RASA1: variants seen among roughly 807,000 people sequenced by gnomAD.
RASA1 encodes RAS p21 protein activator 1.
A neutral mutation model predicts 132.2 loss-of-function variants in RASA1; 25 were observed. The observed-to-expected ratio is 0.19, with a 90% CI of 0.14 to 0.26. RASA1 has a LOEUF of 0.26. Ranked by LOEUF, RASA1 falls within the 10% of genes least tolerant of loss-of-function variation. The pLI, the probability that RASA1 is intolerant of heterozygous loss-of-function variation, is 1.00. For synonymous variants in RASA1, 477 were observed against 449.9 expected (o/e 1.06, Z -0.76); for missense variants, 964 against 1,299.2 (o/e 0.74, Z 3.97).
chr5:87,307,409 C>T (rs1026826600), intron 1 of RASA1, among the ~76,000 whole-genome samples: 16 of 152,014 alleles, frequency 1.1e-4, no homozygotes, highest in African/African-American at 2.7e-4. Context: ...TGCAGTGAGC[C>T]GAGATCGTGC....
intron 1 of RASA1, among the ~76,000 whole-genome samples, chr5:87,323,026 G>A (rs959323769): frequency 5.3e-5 from 8 of 152,122 alleles, no homozygotes; most frequent in East Asian, 1.9e-4. Context: ...TAAGCCTGGC[G>A]TTTAGGAAGG....
intron 22 of RASA1, among the ~76,000 whole-genome samples, chr5:87,386,251 G>A (rs1762054556): frequency 6.6e-6 from 1 of 151,980 alleles, no homozygotes; most frequent in African/African-American, 2.4e-5. Flanking sequence ...TTTTAAAAGA[G>A]TGTGTTAATC....
At chr5:87,311,673 G>C (rs150116031) in intron 1 of RASA1, among the ~76,000 whole-genome samples, 1 of 152,308 alleles carries the variant, frequency 6.6e-6, no homozygotes, top group Non-Finnish European at 1.5e-5. Flanking sequence ...TGCCAACCAG[G>C]AGAACTCACC....
rs899638423 is a variant in RASA1 at position 87,268,495 on chromosome 5, C to G, written c.44C>G (p.Thr15Arg). 1 of 1,560,394 alleles carries G rather than the reference C, an allele frequency of 6.4e-7. No individual in the cohort carries two copies. The highest frequency in any genetic ancestry group is 8.7e-7 in the Non-Finnish European group (1 of 1,154,076). Residue 15 changes from threonine (T) to arginine (R), a missense_variant, in exon 1 of 25, where the codon ACA becomes AGA. Thr to Arg is a moderately conservative substitution (Grantham distance 71). Transcript: ENST00000274376. Reference sequence around the variant, plus strand: ...GGCAGTGAGGAGGGCGGCCCGGTAACAGCCGGAGCTGGAGGAGGCGGCGCG... The same window carrying G: ...GGCAGTGAGGAGGGCGGCCCGGTAAGAGCCGGAGCTGGAGGAGGCGGCGCG... Reference protein sequence around the residue: ...EAGSEEGGPVTAGAGGGGAAA... With the variant: ...EAGSEEGGPVRAGAGGGGAAA...
At chr5:87,318,875 G>A (rs1370610051) in intron 1 of RASA1, 4 of 152,194 alleles carry the variant, frequency 2.6e-5, no homozygotes, top group African/African-American at 9.6e-5. Context: ...CTGAGACAAG[G>A]CAAGTCCATT....
At chr5:87,370,018 C>A in intron 12 of RASA1, 118 bp downstream of exon 12, 1 of 871,738 alleles carries the variant, frequency 1.1e-6, no homozygotes, top group Non-Finnish European at 1.8e-6. Context: ...GAAATCTAAT[C>A]ATCTCTTATT....
intron 12 of RASA1, 98 bp downstream of exon 12, chr5:87,369,998 CAG>C: frequency 2.0e-6 from 2 of 1,019,680 alleles, no homozygotes; most frequent in Non-Finnish European, 3.0e-6. Flanking sequence ...GATAAAGTGA[CAG>C]AACGCCTGAA....
intron 1 of RASA1, among the ~76,000 whole-genome samples, chr5:87,327,363 T>G (rs1005813050): frequency 4.6e-5 from 7 of 152,222 alleles, no homozygotes; most frequent in Admixed American, 4.6e-4. Flanking sequence ...TATTTTTCTT[T>G]AAAGGAATTT....
At position 87,388,502 on chromosome 5, in the gene RASA1, A is replaced by G. The variant is rs1340584851; in HGVS notation, c.2926-891A>G. Among the ~76,000 whole-genome samples the G allele has an allele frequency of 2.0e-5, 3 of 152,286 alleles. No individual in the cohort carries two copies. In the East Asian group the frequency reaches 5.8e-4, roughly 29 times the overall value. On this transcript the variant is annotated intron_variant, in intron 23 of 24. Transcript: ENST00000274376. ...AAAATCTCCAATTTTGGATTTTTGG[A>G]TTGGGGATGCTCAACTGGCAAGTAT...
intron 15 of RASA1, 119 bp downstream of exon 15, chr5:87,375,035 A>T (rs1761227201): frequency 1.5e-6 from 2 of 1,317,966 alleles, no homozygotes; most frequent in African/African-American, 3.0e-5. Flanking sequence ...GTATAATTTG[A>T]GATAGTTTCT....
rs760847054 is a variant in RASA1, at chr5:87,346,744, C to A, written c.1102+20C>A. ...TGACAGGTACTTACATATTTACTTGCTTTTCTAATGTCTATTTAAAGAGAA... is the reference window on the plus strand; with the variant it reads ...TGACAGGTACTTACATATTTACTTGATTTTCTAATGTCTATTTAAAGAGAA... On this transcript the variant is annotated intron_variant, in intron 7 of 24. Coordinates refer to ENST00000274376, the MANE Select transcript of RASA1 (RefSeq NM_002890.3). 1 of 1,498,156 alleles carries A rather than the reference C, an allele frequency of 6.7e-7. No homozygotes were observed. The highest frequency in any genetic ancestry group is 1.1e-5 in the South Asian group (1 of 87,758). 92.8% of individuals were successfully genotyped at this position (1,498,156 alleles called of 1,614,324 possible).
intron 1 of RASA1, among the ~76,000 whole-genome samples, chr5:87,307,245 G>A (rs1437709613): frequency 2.6e-5 from 4 of 151,936 alleles, no homozygotes; most frequent in South Asian, 2.1e-4. Context: ...TCTGCATTAC[G>A]GTTTGACAGG....
chr5:87,381,978 G>A (rs1319246888), intron 20 of RASA1, among the ~76,000 whole-genome samples: 4 of 152,074 alleles, frequency 2.6e-5, no homozygotes, highest in African/African-American at 9.7e-5. Flanking sequence ...TTGAGACAGG[G>A]TCTTGCTCTG....
intron 4 of RASA1, among the ~76,000 whole-genome samples, chr5:87,335,925 T>C (rs1454498153): frequency 6.6e-6 from 1 of 152,218 alleles, no homozygotes; most frequent in Non-Finnish European, 1.5e-5. Context: ...TTGGATTCCA[T>C]ATTACAACTA....
At chr5:87,271,452 CTTTTTTTTTTTTTTT>C (rs201918763) in intron 1 of RASA1, among the ~76,000 whole-genome samples, 2,830 of 38,422 alleles carry the variant, frequency 0.074, 281 homozygotes, top group East Asian at 0.44. Context: ...TAGTAGACTT[CTTTTTTTTTTTTTTT>C]TTTTTTTTTT....
chr5:87,334,035 T>C (rs1757779743), intron 4 of RASA1, among the ~76,000 whole-genome samples: 1 of 152,220 alleles, frequency 6.6e-6, no homozygotes, highest in Non-Finnish European at 1.5e-5. Context: ...GTGTTTCATG[T>C]AACTATGGGG....
intron 9 of RASA1, among the ~76,000 whole-genome samples, chr5:87,358,957 T>G (rs888078353): frequency 6.6e-6 from 1 of 150,840 alleles, no homozygotes; most frequent in African/African-American, 2.4e-5. Context: ...AATGACACTT[T>G]ACCTAGACAC....
At chr5:87,307,252 C>T (rs577944872) in intron 1 of RASA1, among the ~76,000 whole-genome samples, 1 of 152,130 alleles carries the variant, frequency 6.6e-6, no homozygotes, top group East Asian at 1.9e-4. Flanking sequence ...TACGGTTTGA[C>T]AGGTATAACT....
At chr5:87,358,295 T>G (rs1351449058) in intron 9 of RASA1, among the ~76,000 whole-genome samples, 1 of 152,216 alleles carries the variant, frequency 6.6e-6, no homozygotes, top group African/African-American at 2.4e-5. Flanking sequence ...CTTACATTTT[T>G]GAGCACTATA....
Sources: allele counts gnomAD v4.1 joint callset (sites outside exome capture counted in the v4.1 genomes callset), GRCh38; gene constraint gnomAD v4.1.1; transcripts MANE v1.5; gene names NCBI Gene and HGNC (gene_info 2026-07-23, HGNC 2026-07-21).